ELMO1: variants seen among roughly 807,000 people sequenced by gnomAD.
ELMO1 encodes engulfment and cell motility 1.
A neutral mutation model predicts 98.9 loss-of-function variants in ELMO1; 26 were observed. That is an observed-to-expected ratio of 0.26 (90% CI 0.19 to 0.36). The LOEUF is 0.36. Ranked by LOEUF, ELMO1 falls within the 10% of genes least tolerant of loss-of-function variation. The pLI, the probability that ELMO1 is intolerant of heterozygous loss-of-function variation, is 1.00. For missense variants in ELMO1, 627 were observed against 935.2 expected (o/e 0.67, Z 4.30); for synonymous variants, 346 against 346.0 (o/e 1.00, Z 0.00).
intron 14 of ELMO1, among the ~76,000 whole-genome samples, chr7:37,114,616 G>A (rs980507343): frequency 6.6e-6 from 1 of 152,082 alleles, no homozygotes; most frequent in Non-Finnish European, 1.5e-5. Flanking sequence ...TTGCTAGAAG[G>A]ATATTTGTAG....
chr7:37,322,921 A>G (rs1799599428), intron 2 of ELMO1, among the ~76,000 whole-genome samples: 1 of 152,140 alleles, frequency 6.6e-6, no homozygotes, highest in South Asian at 2.1e-4. Context: ...TTTTGTTTGG[A>G]TGATCAAAAC....
intron 16 of ELMO1, chr7:37,002,214 A>G (rs531521815): frequency 6.6e-6 from 1 of 152,264 alleles, no homozygotes; most frequent in African/African-American, 2.4e-5. Flanking sequence ...GTAAAAGTGC[A>G]AAAGCCCAGC....
intron 14 of ELMO1, among the ~76,000 whole-genome samples, chr7:37,110,243 A>G (rs1438213280): frequency 6.6e-6 from 1 of 152,188 alleles, no homozygotes; most frequent in Non-Finnish European, 1.5e-5. Flanking sequence ...ACACAAATCC[A>G]ATGTGCTTAA....
chr7:37,131,184 T>TA (rs1786895813), intron 14 of ELMO1, among the ~76,000 whole-genome samples: 1 of 151,936 alleles, frequency 6.6e-6, no homozygotes, highest in Admixed American at 6.6e-5. Flanking sequence ...TTCTATCTAG[T>TA]AAATGCCCCA....
At chr7:37,314,704 C>T (rs1337702959) in intron 4 of ELMO1, 146 bp downstream of exon 4, 6 of 615,142 alleles carry the variant, frequency 9.8e-6, no homozygotes, top group Non-Finnish European at 1.6e-5. Context: ...TCTAAAGTAG[C>T]AGTTGTTTGC....
At chr7:36,887,694 T>C (rs1025721384) in intron 17 of ELMO1, 22 bp from the exon 18 acceptor site, 11 of 1,607,468 alleles carry the variant, frequency 6.8e-6, no homozygotes, top group Non-Finnish European at 8.5e-6. Flanking sequence ...AAAACACATA[T>C]TCCACAGCAT....
At chr7:37,368,311 T>G (rs1418360086) in intron 1 of ELMO1, among the ~76,000 whole-genome samples, 1 of 152,188 alleles carries the variant, frequency 6.6e-6, no homozygotes, top group Non-Finnish European at 1.5e-5. Context: ...GATTAGCATT[T>G]CTATACACCA....
At chr7:37,258,119 T>C (rs1432548252) in intron 6 of ELMO1, among the ~76,000 whole-genome samples, 7 of 152,096 alleles carry the variant, frequency 4.6e-5, no homozygotes, top group Non-Finnish European at 8.8e-5. Flanking sequence ...AATACAAAAA[T>C]TAGCTAGGTG....
intron 1 of ELMO1, among the ~76,000 whole-genome samples, chr7:37,413,823 G>A (rs1039607691): frequency 9.9e-5 from 15 of 152,158 alleles, no homozygotes; most frequent in South Asian, 2.1e-4. Flanking sequence ...GATTACAGGC[G>A]CACACCACCA....
At chr7:37,290,369 G>A (rs1488709306) in intron 4 of ELMO1, among the ~76,000 whole-genome samples, 1 of 152,148 alleles carries the variant, frequency 6.6e-6, no homozygotes, top group African/African-American at 2.4e-5. Context: ...GTGTACACTA[G>A]TCATATATAA....
chr7:37,355,883 G>A (rs1313196830), intron 1 of ELMO1, among the ~76,000 whole-genome samples: 1 of 152,194 alleles, frequency 6.6e-6, no homozygotes, highest in African/African-American at 2.4e-5. Flanking sequence ...AGGGGGATCT[G>A]CCCCACTATT....
rs186880706 is a variant in ELMO1 at position 36,855,354 on chromosome 7, G to A, written c.*197C>T. The A allele has an allele frequency of 3.1e-6, 2 of 635,382 alleles. No homozygotes were observed. Among genetic ancestry groups the A allele is most frequent in the Admixed American group, 2.9e-5 (1 of 34,540 alleles). 39.4% of individuals were successfully genotyped at this position (635,382 alleles called of 1,614,324 possible). On this transcript the variant is annotated 3_prime_UTR_variant, in exon 22 of 22. Transcript: ENST00000310758. The surrounding 1 kb of genome is among the most constrained non-coding windows in gnomAD (Gnocchi z 4.2). Reference sequence around the variant, plus strand: ...AGTGACCTGAAGCAGTGGAGCCGAGGAACAGAATCAGGGCGGTGAGCAAGA... The same window carrying A: ...AGTGACCTGAAGCAGTGGAGCCGAGAAACAGAATCAGGGCGGTGAGCAAGA...
chr7:36,996,755 G>A (rs951461710), intron 16 of ELMO1, among the ~76,000 whole-genome samples: 1 of 152,214 alleles, frequency 6.6e-6, no homozygotes, highest in Non-Finnish European at 1.5e-5. Context: ...GGGCCTTGAA[G>A]GACAGGCAGA....
At chr7:37,049,310 G>A (rs1795973995) in intron 15 of ELMO1, among the ~76,000 whole-genome samples, 1 of 152,088 alleles carries the variant, frequency 6.6e-6, no homozygotes, top group African/African-American at 2.4e-5. Flanking sequence ...TCAGCTCTTG[G>A]GCCGGGATTC....
intron 15 of ELMO1, among the ~76,000 whole-genome samples, chr7:37,079,571 C>T (rs1797754529): frequency 6.6e-6 from 1 of 152,178 alleles, no homozygotes; most frequent in Non-Finnish European, 1.5e-5. Context: ...CTTAACCCAT[C>T]TAGTTGGGCT....
intron 1 of ELMO1, among the ~76,000 whole-genome samples, chr7:37,391,210 G>A (rs1052790644): frequency 6.6e-5 from 10 of 151,934 alleles, no homozygotes; most frequent in African/African-American, 2.2e-4. Context: ...TCCACCTCCC[G>A]GGCTCAAATG....
chr7:37,441,831 A>G (rs545932136), intron 1 of ELMO1, among the ~76,000 whole-genome samples: 1 of 152,354 alleles, frequency 6.6e-6, no homozygotes, highest in African/African-American at 2.4e-5. Context: ...AGTATAAGAG[A>G]GAAGAGAGCT....
chr7:37,417,063 T>A (rs1804246066), intron 1 of ELMO1, among the ~76,000 whole-genome samples: 1 of 152,210 alleles, frequency 6.6e-6, no homozygotes, highest in Non-Finnish European at 1.5e-5. Flanking sequence ...TGATTTCATT[T>A]AATTCTCTCA....
chr7:36,955,459 A>G (rs1788367146), intron 16 of ELMO1, among the ~76,000 whole-genome samples: 1 of 152,254 alleles, frequency 6.6e-6, no homozygotes, highest in Admixed American at 6.5e-5. Context: ...AACATCCACC[A>G]GATAAATTAT....
Sources: gnomAD v4.1 joint callset for allele counts (sites outside exome capture counted in the v4.1 genomes callset) on GRCh38, gnomAD v4.1.1 for gene constraint, Gnocchi (gnomAD v3.1) non-coding constraint, MANE v1.5 for transcripts, NCBI Gene and HGNC (gene_info 2026-07-23, HGNC 2026-07-21) for gene names.